Variants in TNN observed in about 807,000 individuals in gnomAD.
The protein encoded by TNN is tenascin N.
TNN carries 122 observed loss-of-function variants against 134.4 expected under a neutral mutation model. The ratio of observed to expected loss-of-function variants is 0.91; its 90% CI spans 0.78 to 1.06. The LOEUF (loss-of-function observed/expected upper bound fraction) is 1.06, where lower values mean the gene tolerates loss of function less well. Ranked by LOEUF, TNN falls within the 50% of genes least tolerant of loss-of-function variation. The pLI is 0.00. For missense variants in TNN, 1,739 were observed against 1,699.4 expected (o/e 1.02, Z -0.41); for synonymous variants, 710 against 670.3 (o/e 1.06, Z -0.91).
In TNN at chr1:175,097,465, C is replaced by A. The variant is rs764393152; in HGVS notation, c.1637C>A (p.Thr546Asn). The A allele has an allele frequency of 4.3e-6, 7 of 1,614,034 alleles. No individual in the cohort carries two copies. Among genetic ancestry groups the A allele is most frequent in the Admixed American group, 3.3e-5 (2 of 60,004 alleles). ...GTGACTGACCGGGTGACTGAGAATA[C>A]CGCCACCATCTCCTGGGACCCGGTA... ...NLVTDRVTEN[T>N]ATISWDPVQA... The change falls in exon 8 of 19, where the codon ACC becomes AAC. Residue 546 changes from threonine to asparagine, a missense_variant. Transcript: ENST00000239462.
chr1:175,141,718 G>A (rs1439140328), intron 17 of TNN, among the ~76,000 whole-genome samples: 1 of 152,160 alleles, frequency 6.6e-6, no homozygotes, highest in African/African-American at 2.4e-5. Flanking sequence ...TAGAGGGGGA[G>A]AGTGGGCCTC....
Position 175,079,570 on chromosome 1 carries a change from T to G in TNN, c.647T>G (p.Val216Gly). 3.8e-6 allele frequency: 6 copies of G among 1,583,726 alleles called. No homozygotes were observed. Among genetic ancestry groups the G allele is most frequent in the Non-Finnish European group, 5.1e-6 (6 of 1,166,478 alleles). The change falls in exon 3 of 19, where the codon GTG (valine) becomes GGG (glycine). Residue 216 changes from valine (V) to glycine (G), a missense_variant. Transcript: ENST00000239462. ...CSGHGECVRG[V>G]CQCHEDFMSE... is the part of the protein sequence containing the mutation. ...GGACACGGCGAGTGCGTGCGCGGCG[T>G]GTGCCAGTGCCACGAAGACTTCATG...
intron 9 of TNN, among the ~76,000 whole-genome samples, chr1:175,109,790 A>C (rs1028389556): frequency 6.6e-6 from 1 of 151,838 alleles, no homozygotes; most frequent in Non-Finnish European, 1.5e-5. Flanking sequence ...TATTTTGGTT[A>C]TTATGAATAG....
intron 17 of TNN, among the ~76,000 whole-genome samples, chr1:175,142,613 TTTTTTCTTTTC>T (rs1188506030): frequency 1.4e-5 from 2 of 143,960 alleles, no homozygotes; most frequent in East Asian, 3.9e-4. Flanking sequence ...TTTGCATTTC[TTTTTTCTTTTC>T]TTTTTTTTTT....
Position 175,147,078 on chromosome 1 carries a change from G to C in TNN, c.*7G>C, listed in dbSNP as rs763435968. 8 of 1,565,262 alleles carry C rather than the reference G, an allele frequency of 5.1e-6. No individual in the cohort carries two copies. The highest frequency in any genetic ancestry group is 2.7e-5 in the African/African-American group (2 of 72,960). On this transcript the variant is annotated 3_prime_UTR_variant, in exon 19 of 19. Coordinates refer to ENST00000239462, the MANE Select transcript of TNN (RefSeq NM_022093.2). ...AAGGCTGCGAACGTTCTGATGGCCC[G>C]TGTGAGCAGTCCTCGCAGGAGACAC...
At chr1:175,119,930 G>T (rs920740824) in intron 11 of TNN, among the ~76,000 whole-genome samples, 3 of 152,162 alleles carry the variant, frequency 2.0e-5, no homozygotes, top group Non-Finnish European at 2.9e-5. Context: ...GAGCCACTGC[G>T]CCTGGGCCCA....
At chr1:175,076,934 A>G (rs1184927093) in intron 1 of TNN, among the ~76,000 whole-genome samples, 1 of 152,242 alleles carries the variant, frequency 6.6e-6, no homozygotes, top group East Asian at 1.9e-4. Context: ...TGAGTTAATA[A>G]ATGTGAAACA....
At chr1:175,137,056 G>A (rs947460546) in intron 17 of TNN, 68 bp downstream of exon 17, 22 of 1,518,614 alleles carry the variant, frequency 1.4e-5, no homozygotes, top group Non-Finnish European at 2.0e-5. Flanking sequence ...GGTTTGCCGT[G>A]TGCCACTGAT....
chr1:175,097,917 A>G (rs1030949113), intron 8 of TNN, among the ~76,000 whole-genome samples: 3 of 152,200 alleles, frequency 2.0e-5, no homozygotes, highest in African/African-American at 7.2e-5. Context: ...TATAGTAACA[A>G]TGCTTTTAGC....
At chr1:175,101,814 C>G (rs993595948) in intron 9 of TNN, among the ~76,000 whole-genome samples, 9 of 150,486 alleles carry the variant, frequency 6.0e-5, no homozygotes, top group Non-Finnish European at 1.0e-4. Flanking sequence ...AAGGCCCCAC[C>G]AGAGCAGCTA....
chr1:175,145,708 G>A (rs1016523346), intron 18 of TNN, among the ~76,000 whole-genome samples: 11 of 151,802 alleles, frequency 7.2e-5, no homozygotes, highest in Non-Finnish European at 1.0e-4. Flanking sequence ...GGGAGTGTGC[G>A]CCCAGGGCCC....
intron 17 of TNN, among the ~76,000 whole-genome samples, chr1:175,140,833 T>C (rs1675928421): frequency 6.6e-6 from 1 of 152,242 alleles, no homozygotes; most frequent in African/African-American, 2.4e-5. Context: ...TAGCGTTCCT[T>C]ATGTACACTG....
intron 13 of TNN, among the ~76,000 whole-genome samples, chr1:175,127,822 C>T (rs1675570110): frequency 6.6e-6 from 1 of 152,180 alleles, no homozygotes; most frequent in Admixed American, 6.5e-5. Flanking sequence ...GCTGATGCTC[C>T]CAGTAGTGCT....
At position 175,067,867 on chromosome 1, in the gene TNN, G is replaced by T; in HGVS notation, c.-104G>T. 2.0e-6 allele frequency: 1 copy of T among 502,386 alleles called. No homozygotes were observed. Among genetic ancestry groups the T allele is most frequent in the East Asian group, 5.7e-5 (1 of 17,546 alleles). 31.1% of individuals were successfully genotyped at this position (502,386 alleles called of 1,614,324 possible). On this transcript the variant is annotated 5_prime_UTR_variant, in exon 1 of 19. In the 5' UTR this introduces an upstream ATG that the reference lacks. Coordinates refer to ENST00000239462, the MANE Select transcript of TNN (RefSeq NM_022093.2). ...ACCAGGGACGACCAGCAAGTACCAA[G>T]GTCTGCGGCAGGAGGAGACCGGCTC... is the stretch of plus-strand genomic sequence containing the variant.
At position 175,123,439 on chromosome 1, in the gene TNN, C is replaced by G; in HGVS notation, c.2690C>G (p.Thr897Arg). The change falls in exon 12 of 19, where the codon ACG (threonine) becomes AGG (arginine). Residue 897 changes from threonine to arginine, a missense_variant. Physicochemically the swap from Thr to Arg is moderately conservative, Grantham distance 71. Coordinates refer to ENST00000239462, the MANE Select transcript of TNN (RefSeq NM_022093.2). ...AAAAACCTAGTGACTGACTGGGTGA[C>G]GGAGAATATGGCCACTGTCTCCTGG... is the stretch of plus-strand genomic sequence containing the variant. The part of the protein sequence containing the change: ...GPKNLVTDWV[T>R]ENMATVSWDP... 1.2e-6 allele frequency: 2 copies of G among 1,614,174 alleles called. No homozygotes were observed. The highest frequency in any genetic ancestry group is 1.7e-6 in the Non-Finnish European group (2 of 1,180,030).
intron 15 of TNN, among the ~76,000 whole-genome samples, chr1:175,131,931 C>CACACAT (rs1245608578): frequency 6.6e-6 from 1 of 151,484 alleles, no homozygotes; most frequent in Non-Finnish European, 1.5e-5. Context: ...CACACACACA[C>CACACAT]ACACACACAC....
intron 1 of TNN, among the ~76,000 whole-genome samples, chr1:175,075,785 G>A (rs1177309449): frequency 6.6e-6 from 1 of 152,178 alleles, no homozygotes; most frequent in African/African-American, 2.4e-5. Context: ...GGAGGCGGAG[G>A]CTCAGGATGA....
In TNN at chr1:175,080,252, C is replaced by G; in HGVS notation, c.874C>G (p.Leu292Val). ...WEPSSQVDHY[L>V]LSYYPLGKEL... ...GCCCTCCAGCCAGGTGGATCACTACCTCCTCAGCTACTACCCCCTGGGGAA... is the reference window on the plus strand; with the variant it reads ...GCCCTCCAGCCAGGTGGATCACTACGTCCTCAGCTACTACCCCCTGGGGAA... Residue 292 changes from leucine (L) to valine (V), a missense_variant, in exon 4 of 19, where the codon CTC (leucine) becomes GTC (valine). By Grantham distance (32) the Leu-to-Val change is conservative. Coordinates refer to ENST00000239462, the MANE Select transcript of TNN (RefSeq NM_022093.2). The G allele has an allele frequency of 6.2e-7, 1 of 1,614,154 alleles. No homozygotes were observed.
rs533018270 is a variant in TNN, at chr1:175,088,553, G to A, written c.1324+3059G>A. Among the ~76,000 whole-genome samples, 24 of 152,180 alleles carry A rather than the reference G, an allele frequency of 1.6e-4. 1 individual carries two copies. The highest frequency in any genetic ancestry group is 7.7e-4 in the East Asian group (4 of 5,184). Reference sequence around the variant, plus strand: ...GCATAATGCTTTTATCTTGGCCTCCGTGGCCCACCCAGCCTGGGCCACTGT... The same window carrying A: ...GCATAATGCTTTTATCTTGGCCTCCATGGCCCACCCAGCCTGGGCCACTGT... On this transcript the variant is annotated intron_variant, in intron 6 of 18. Transcript: ENST00000239462.
Sources: allele counts gnomAD v4.1 joint callset (sites outside exome capture counted in the v4.1 genomes callset), GRCh38; gene constraint gnomAD v4.1.1; transcripts MANE v1.5; gene names NCBI Gene and HGNC (gene_info 2026-07-23, HGNC 2026-07-21).